CLMP: variants seen among roughly 807,000 people sequenced by gnomAD.
The protein encoded by CLMP is CXADR-like membrane protein.
Under a neutral mutation model 45.2 loss-of-function variants are expected in CLMP, and 27 were observed. That is an observed-to-expected ratio of 0.60 (90% CI 0.44 to 0.82). The LOEUF is 0.82. CLMP is among the 40% of genes least tolerant of loss of function. The pLI is 0.00. For synonymous variants in CLMP, 167 were observed against 171.4 expected, an observed-to-expected ratio of 0.97 and a Z score of 0.20; for missense variants, 403 against 448.4, an observed-to-expected ratio of 0.90 and a Z score of 0.91.
chr11:123,070,880 C>T lies in CLMP; in HGVS notation c.*2594G>A, dbSNP rs933401954. ...AATTCCTCAATGTCTCATTTCCCAC[C>T]TTTTTTAGAGGAAGAAAATACTCAG... On this transcript the variant is annotated 3_prime_UTR_variant, in exon 7 of 7. Transcript: ENST00000448775. The T allele has an allele frequency of 2.3e-4, 35 of 152,158 alleles. No homozygotes were observed. The highest frequency in any genetic ancestry group is 8.4e-4 in the African/African-American group (35 of 41,430). 9.4% of individuals were successfully genotyped at this position (152,158 alleles called of 1,614,324 possible).
Position 123,073,674 on chromosome 11 carries a change from C to G in CLMP, c.922G>C (p.Ala308Pro). 6.2e-7 allele frequency: 1 copy of G among 1,614,214 alleles called. No homozygotes were observed. Among genetic ancestry groups the G allele is most frequent in the Non-Finnish European group, 8.5e-7 (1 of 1,180,042 alleles). Reference sequence around the variant, plus strand: ...CGCTGGCTGCGTGAGGCACTATTTGCTGTGGAGCGAGTGGAGGAAGAACCA... The same window carrying G: ...CGCTGGCTGCGTGAGGCACTATTTGGTGTGGAGCGAGTGGAGGAAGAACCA... ...RSGSSSTRST[A>P]NSASRSQRTL... The change falls in exon 7 of 7, where the codon GCA becomes CCA. Residue 308 changes from alanine to proline, a missense_variant. By Grantham distance (27) the Ala-to-Pro change is conservative. Coordinates refer to ENST00000448775, the MANE Select transcript of CLMP (RefSeq NM_024769.5).
chr11:123,175,887 T>C (rs1240644807), intron 1 of CLMP, among the ~76,000 whole-genome samples: 1 of 152,236 alleles, frequency 6.6e-6, no homozygotes, highest in African/African-American at 2.4e-5. Flanking sequence ...AAGTTTTGAC[T>C]CCTGCAGCTG....
At chr11:123,186,768 C>A (rs752889305) in intron 1 of CLMP, among the ~76,000 whole-genome samples, 41 of 152,294 alleles carry the variant, frequency 2.7e-4, no homozygotes, top group Admixed American at 1.8e-3. Flanking sequence ...AGTGATCCAC[C>A]CGCCTCGGCC....
At chr11:123,166,471 C>T (rs533064243) in intron 1 of CLMP, among the ~76,000 whole-genome samples, 25 of 152,362 alleles carry the variant, frequency 1.6e-4, no homozygotes, top group African/African-American at 6.0e-4. Context: ...TCCTCCCTAA[C>T]CACAGACAGC....
At chr11:123,110,581 G>A (rs1216189861) in intron 1 of CLMP, among the ~76,000 whole-genome samples, 4 of 151,926 alleles carry the variant, frequency 2.6e-5, no homozygotes, top group African/African-American at 4.8e-5. Flanking sequence ...ATCACAACAC[G>A]GCACTCCAGC....
chr11:123,113,794 T>C (rs565077391), intron 1 of CLMP, among the ~76,000 whole-genome samples: 1 of 152,216 alleles, frequency 6.6e-6, no homozygotes, highest in Non-Finnish European at 1.5e-5. Flanking sequence ...GATAACAATC[T>C]GGTCCACAAA....
intron 2 of CLMP, among the ~76,000 whole-genome samples, chr11:123,086,197 C>T (rs963008761): frequency 6.6e-6 from 1 of 152,182 alleles, no homozygotes; most frequent in South Asian, 2.1e-4. Flanking sequence ...CAGGTGTGAG[C>T]CACTGCGCCT....
intron 1 of CLMP, among the ~76,000 whole-genome samples, chr11:123,187,946 G>C (rs1402769939): frequency 6.6e-6 from 1 of 152,130 alleles, no homozygotes; most frequent in Non-Finnish European, 1.5e-5. Flanking sequence ...AGGGGCACAG[G>C]AATATCAGAC....
chr11:123,114,756 C>T (rs1860697269), intron 1 of CLMP, among the ~76,000 whole-genome samples: 1 of 152,090 alleles, frequency 6.6e-6, no homozygotes, highest in Non-Finnish European at 1.5e-5. Flanking sequence ...AGCATTGGTA[C>T]TTGATTTATA....
At chr11:123,183,483 G>A (rs35130401) in intron 1 of CLMP, among the ~76,000 whole-genome samples, 48 of 152,066 alleles carry the variant, frequency 3.2e-4, no homozygotes, top group South Asian at 1.3e-3. Context: ...CACCTACCTC[G>A]GCCTCCCAAA....
intron 1 of CLMP, among the ~76,000 whole-genome samples, chr11:123,160,045 G>T (rs1437434102): frequency 6.6e-6 from 1 of 152,126 alleles, no homozygotes; most frequent in East Asian, 1.9e-4. Context: ...TTGGGAGGCT[G>T]AGGCGGGAGG....
chr11:123,120,622 G>A (rs1860801364), intron 1 of CLMP, among the ~76,000 whole-genome samples: 1 of 152,074 alleles, frequency 6.6e-6, no homozygotes. Flanking sequence ...TGAGAATCGA[G>A]TTAGTTTTAA....
At chr11:123,123,008 C>T (rs999582842) in intron 1 of CLMP, among the ~76,000 whole-genome samples, 1 of 152,138 alleles carries the variant, frequency 6.6e-6, no homozygotes, top group Admixed American at 6.6e-5. Context: ...CTTGCACCCT[C>T]ATCCCTTTTG....
At chr11:123,090,160 G>T (rs1041991374) in intron 2 of CLMP, among the ~76,000 whole-genome samples, 1 of 151,042 alleles carries the variant, frequency 6.6e-6, no homozygotes, top group Non-Finnish European at 1.5e-5. Flanking sequence ...TTGAAAAAAC[G>T]CTAGGCTGGG....
At chr11:123,135,656 G>A (rs1861061673) in intron 1 of CLMP, among the ~76,000 whole-genome samples, 1 of 152,084 alleles carries the variant, frequency 6.6e-6, no homozygotes, top group African/African-American at 2.4e-5. Context: ...AAATCCAATG[G>A]TGATATTTTA....
At chr11:123,168,856 C>T (rs373652314) in intron 1 of CLMP, among the ~76,000 whole-genome samples, 4 of 152,318 alleles carry the variant, frequency 2.6e-5, no homozygotes, top group East Asian at 1.9e-4. Flanking sequence ...TTCCCCTCAA[C>T]GCTCTTGCAC....
rs528513040 is a variant in CLMP, at chr11:123,074,746, T to C, written c.777A>G (p.Lys259=). 1.2e-6 allele frequency: 2 copies of C among 1,614,206 alleles called. No homozygotes were observed. Among genetic ancestry groups the C allele is most frequent in the South Asian group, 2.2e-5 (2 of 91,090 alleles). The part of the protein sequence containing the change: ...FLLVWLLIRR[K]DKERYEEEER... ...CTTCTTCCTCATATCTTTCTTTGTC[T>C]TTCCTTCGGATTAGCAGCCACACCA... The change falls in exon 6 of 7, where the codon AAA becomes AAG. Residue 259 remains lysine (K), a synonymous_variant. Transcript: ENST00000448775.
chr11:123,090,095 A>G (rs2135474648), intron 2 of CLMP, among the ~76,000 whole-genome samples: 1 of 148,126 alleles, frequency 6.8e-6, no homozygotes, highest in South Asian at 2.1e-4. Context: ...GTCTCAAAGA[A>G]AAAAAAAAAA....
intron 1 of CLMP, among the ~76,000 whole-genome samples, chr11:123,137,173 A>G: frequency 2.3e-5 from 1 of 42,952 alleles, no homozygotes; most frequent in South Asian, 6.1e-4. Flanking sequence ...TTTTTTTTTG[A>G]GATGGAGTCT....
Sources: allele counts gnomAD v4.1 joint callset (sites outside exome capture counted in the v4.1 genomes callset), GRCh38; gene constraint gnomAD v4.1.1; transcripts MANE v1.5; gene names NCBI Gene and HGNC (gene_info 2026-07-23, HGNC 2026-07-21).